The following PTPRO variants were observed in gnomAD, a reference collection of about 807,000 sequenced individuals.
PTPRO encodes protein tyrosine phosphatase receptor type O, also known as receptor-type tyrosine-protein phosphatase O.
PTPRO carries 62 observed loss-of-function variants against 145.2 expected under a neutral mutation model. That is an observed-to-expected ratio of 0.43 (90% confidence interval 0.35 to 0.53). The LOEUF (loss-of-function observed/expected upper bound fraction) is 0.53. Ranked by LOEUF, PTPRO falls within the 20% of genes least tolerant of loss-of-function variation. The pLI, the probability that PTPRO is intolerant of heterozygous loss-of-function variation, is 0.01. For synonymous variants in PTPRO, 565 were observed against 514.7 expected, an observed-to-expected ratio of 1.10 and a Z score of -1.32; for missense variants, 1,345 against 1,482.7, an observed-to-expected ratio of 0.91 and a Z score of 1.53.
intron 2 of PTPRO, among the ~76,000 whole-genome samples, chr12:15,487,088 G>A (rs1941903816): frequency 1.3e-5 from 2 of 152,164 alleles, no homozygotes; most frequent in South Asian, 4.2e-4. Context: ...CCACAGAAGA[G>A]CTCCCCCAGC....
intron 4 of PTPRO, among the ~76,000 whole-genome samples, chr12:15,500,771 T>A (rs1332527784): frequency 1.3e-5 from 2 of 151,846 alleles, no homozygotes; most frequent in East Asian, 1.9e-4. Context: ...AGAATACAAA[T>A]ATTAGCTGGG....
chr12:15,431,220 T>C (rs928305879), intron 1 of PTPRO, among the ~76,000 whole-genome samples: 1 of 152,188 alleles, frequency 6.6e-6, no homozygotes, highest in African/African-American at 2.4e-5. Flanking sequence ...ATCAAACATG[T>C]GTCCCACCCT....
chr12:15,530,763 T>C (rs1230952802), intron 12 of PTPRO, among the ~76,000 whole-genome samples: 1 of 152,014 alleles, frequency 6.6e-6, no homozygotes, highest in African/African-American at 2.4e-5. Flanking sequence ...TAAATGCCCT[T>C]AATATAAAAA....
At chr12:15,496,152 T>TTTTTTTTTTTTTTG (rs1942101287) in intron 2 of PTPRO, among the ~76,000 whole-genome samples, 1 of 136,512 alleles carries the variant, frequency 7.3e-6, no homozygotes, top group Non-Finnish European at 1.6e-5. Context: ...GTTTTTTTTT[T>TTTTTTTTTTTTTTG]TTTTTTTTTT....
At chr12:15,348,707 A>G (rs1336028268) in intron 1 of PTPRO, 1 of 152,072 alleles carries the variant, frequency 6.6e-6, no homozygotes, top group Non-Finnish European at 1.5e-5. Flanking sequence ...GAATGACGTG[A>G]ACCCCGGGGG....
At chr12:15,591,515 A>C (rs1944552802) in intron 25 of PTPRO, among the ~76,000 whole-genome samples, 1 of 152,196 alleles carries the variant, frequency 6.6e-6, no homozygotes, top group African/African-American at 2.4e-5. Context: ...GTGGTTATCA[A>C]GCAGCCACCA....
chr12:15,527,170 A>G (rs983089962), intron 12 of PTPRO, among the ~76,000 whole-genome samples: 11 of 152,172 alleles, frequency 7.2e-5, no homozygotes, highest in African/African-American at 2.7e-4. Context: ...CCAGAACTCA[A>G]ATACGAGGAT....
chr12:15,508,863 G>A, intron 7 of PTPRO, 96 bp downstream of exon 7: 1 of 1,261,570 alleles, frequency 7.9e-7, no homozygotes, highest in South Asian at 1.3e-5. Context: ...GCCAGGCTGA[G>A]GTCTGCTGGG....
At chr12:15,452,740 CA>C (rs541834243) in intron 1 of PTPRO, among the ~76,000 whole-genome samples, 6 of 151,170 alleles carry the variant, frequency 4.0e-5, no homozygotes, top group East Asian at 1.9e-4. Context: ...GAATTAGAAA[CA>C]AAAAAAAATC....
At chr12:15,540,683 C>T (rs954591403) in intron 12 of PTPRO, among the ~76,000 whole-genome samples, 10 of 152,190 alleles carry the variant, frequency 6.6e-5, no homozygotes, top group African/African-American at 2.4e-4. Context: ...CTTTGGAATT[C>T]CTGAGAAAAG....
chr12:15,581,013 T>A (rs1004605480), intron 22 of PTPRO, among the ~76,000 whole-genome samples, 182 bp downstream of exon 22: 3 of 152,162 alleles, frequency 2.0e-5, no homozygotes, highest in Non-Finnish European at 4.4e-5. Flanking sequence ...CCGGTGGTCT[T>A]TGCAATGTCT....
intron 2 of PTPRO, among the ~76,000 whole-genome samples, chr12:15,494,003 A>G (rs1461681892): frequency 6.6e-6 from 1 of 152,202 alleles, no homozygotes; most frequent in Non-Finnish European, 1.5e-5. Flanking sequence ...AACAAGCTGC[A>G]GGATAGTTAT....
At chr12:15,584,189 C>A (rs1393268583) in intron 23 of PTPRO, among the ~76,000 whole-genome samples, 1 of 152,128 alleles carries the variant, frequency 6.6e-6, no homozygotes, top group Non-Finnish European at 1.5e-5. Flanking sequence ...AGTGCTGTAT[C>A]CCTGTGGAAT....
In PTPRO at chr12:15,560,253, T is replaced by C. The variant is rs1178519936; in HGVS notation, c.2688T>C (p.Leu896=). 1 of 1,587,164 alleles carries C rather than the reference T, an allele frequency of 6.3e-7. No individual in the cohort carries two copies. The highest frequency in any genetic ancestry group is 1.3e-5 in the African/African-American group (1 of 74,486). ...CCTCATGTCTTTGGACTGATTATCT[T>C]TTGGCATTTTATATTAATCCTTGGT... ...LLPSCLWTDY[L]LAFYINPWSK... Residue 896 remains leucine (L), a synonymous_variant, in exon 17 of 27, where the codon CTT becomes CTC. Transcript: ENST00000281171.
At chr12:15,536,938 A>T (rs533548407) in intron 12 of PTPRO, among the ~76,000 whole-genome samples, 1 of 152,310 alleles carries the variant, frequency 6.6e-6, no homozygotes, top group Non-Finnish European at 1.5e-5. Flanking sequence ...AGGCGATGAA[A>T]AGTGGTCAGA....
chr12:15,380,067 T>C (rs1381069574), intron 1 of PTPRO, among the ~76,000 whole-genome samples: 1 of 152,166 alleles, frequency 6.6e-6, no homozygotes, highest in African/African-American at 2.4e-5. Context: ...ATGTAATGTA[T>C]TGAGTATCAA....
intron 1 of PTPRO, among the ~76,000 whole-genome samples, chr12:15,373,108 A>G (rs1053499970): frequency 6.6e-6 from 1 of 152,204 alleles, no homozygotes; most frequent in Non-Finnish European, 1.5e-5. Flanking sequence ...AGTAGAAGTA[A>G]TTACAGTACC....
chr12:15,420,148 G>GAAAAAAAAAA, intron 1 of PTPRO, among the ~76,000 whole-genome samples: 1 of 81,712 alleles, frequency 1.2e-5, no homozygotes, highest in Non-Finnish European at 2.3e-5. Flanking sequence ...CTCCGACTCA[G>GAAAAAAAAAA]AAAAAAAAAA....
At chr12:15,441,391 C>T (rs1255305553) in intron 1 of PTPRO, among the ~76,000 whole-genome samples, 2 of 151,378 alleles carry the variant, frequency 1.3e-5, no homozygotes, top group African/African-American at 4.9e-5. Flanking sequence ...TAAATGCTTA[C>T]CTCAAAGAGT....
Sources: allele counts gnomAD v4.1 joint callset (sites outside exome capture counted in the v4.1 genomes callset), GRCh38; gene constraint gnomAD v4.1.1; transcripts MANE v1.5; gene names NCBI Gene and HGNC (gene_info 2026-07-23, HGNC 2026-07-21).